ST3GAL1: variants seen among roughly 807,000 people sequenced by gnomAD.
ST3GAL1 encodes CMP-N-acetylneuraminate-beta-galactosamide-alpha-2,3-sialyltransferase 1.
A neutral mutation model predicts 34.1 loss-of-function variants in ST3GAL1; 16 were observed. The observed-to-expected ratio is 0.47, with a 90% CI of 0.32 to 0.71. The LOEUF (loss-of-function observed/expected upper bound fraction) is 0.71. ST3GAL1 is among the 30% of genes least tolerant of loss of function. ST3GAL1 has a pLI of 0.04. For missense variants in ST3GAL1, 353 were observed against 447.4 expected (o/e 0.79, Z 1.90); for synonymous variants, 191 against 184.7 (o/e 1.03, Z -0.28).
chr8:133,487,068 C>T (rs554304343), intron 3 of ST3GAL1, among the ~76,000 whole-genome samples: 5 of 152,244 alleles, frequency 3.3e-5, no homozygotes, highest in African/African-American at 1.2e-4. Flanking sequence ...CTCAGCCTCT[C>T]GAGTAGCTGG....
chr8:133,506,663 T>C (rs529162845), intron 2 of ST3GAL1, among the ~76,000 whole-genome samples: 92 of 152,102 alleles, frequency 6.0e-4, no homozygotes, highest in African/African-American at 2.2e-3. Flanking sequence ...TACGCACCTG[T>C]AATCCCAGCT....
chr8:133,490,542 G>T (rs1816754882), intron 3 of ST3GAL1, among the ~76,000 whole-genome samples: 1 of 152,236 alleles, frequency 6.6e-6, no homozygotes, highest in Admixed American at 6.5e-5. Context: ...AAGGGAGAGG[G>T]AAGGCTGTGT....
chr8:133,500,437 C>T (rs1192209121), intron 2 of ST3GAL1, among the ~76,000 whole-genome samples: 12 of 152,158 alleles, frequency 7.9e-5, no homozygotes, highest in Admixed American at 7.9e-4. Flanking sequence ...CTTTTCAGAA[C>T]AAGCAACACC....
chr8:133,524,510 G>C (rs1348617919), intron 2 of ST3GAL1, among the ~76,000 whole-genome samples: 1 of 152,226 alleles, frequency 6.6e-6, no homozygotes, highest in East Asian at 1.9e-4. Context: ...TGCCTGCTGG[G>C]CTCATGTCAC....
intron 2 of ST3GAL1, among the ~76,000 whole-genome samples, chr8:133,525,006 G>A (rs1189856913): frequency 6.6e-6 from 1 of 152,246 alleles, no homozygotes; most frequent in East Asian, 1.9e-4. Context: ...AATGGAGGGA[G>A]GAGGGTGTGT....
At chr8:133,520,963 T>G (rs1817788265) in intron 2 of ST3GAL1, among the ~76,000 whole-genome samples, 1 of 116,686 alleles carries the variant, frequency 8.6e-6, no homozygotes. Context: ...GGTTGTTTTT[T>G]TTTTTTTTTG....
At chr8:133,545,118 A>G (rs1418015440) in intron 2 of ST3GAL1, among the ~76,000 whole-genome samples, 2 of 152,238 alleles carry the variant, frequency 1.3e-5, no homozygotes, top group Non-Finnish European at 1.5e-5. Flanking sequence ...TTTTCGTATT[A>G]TTTCATTTTA....
chr8:133,461,799 C>G lies in ST3GAL1; in HGVS notation c.849+76G>C. ...GGCAGGCTAGGTCTACCTGCCCTCCCCCTCCCTGGCCTCTCTTGGGAACAC... is the reference window on the plus strand; with the variant it reads ...GGCAGGCTAGGTCTACCTGCCCTCCGCCTCCCTGGCCTCTCTTGGGAACAC... On this transcript the variant is annotated intron_variant, in intron 9 of 9. Coordinates refer to ENST00000522652, the MANE Select transcript of ST3GAL1 (RefSeq NM_173344.3). The surrounding 1 kb of genome is among the most constrained non-coding windows in gnomAD (Gnocchi z 4.7). The G allele has an allele frequency of 6.3e-7, 1 of 1,589,694 alleles. No individual in the cohort carries two copies. The highest frequency in any genetic ancestry group is 1.3e-5 in the African/African-American group (1 of 74,730).
intron 2 of ST3GAL1, among the ~76,000 whole-genome samples, chr8:133,511,862 G>A (rs1817507396): frequency 6.6e-6 from 1 of 152,100 alleles, no homozygotes; most frequent in Non-Finnish European, 1.5e-5. Context: ...GATCATTCTG[G>A]CCAACGTGGT....
rs1226530657 is a variant in ST3GAL1, at chr8:133,562,832, TCC to T, written c.-582+8859_-582+8860del. Among the ~76,000 whole-genome samples, 169 of 106,712 alleles carry T rather than the reference TCC, an allele frequency of 1.6e-3. 1 individual carries two copies. Among genetic ancestry groups the T allele is most frequent in the African/African-American group, 4.6e-3 (89 of 19,548 alleles). 70.0% of individuals were successfully genotyped at this position (106,712 alleles called of 152,430 possible). A position where few individuals can be genotyped will look rare whatever the true frequency, so the allele number is the denominator to read the frequency against. On this transcript the variant is annotated intron_variant, in intron 1 of 9. Transcript: ENST00000522652. ...TTCCTTCCTTCCTTCCTTCCTTCCT[TCC>T]TTCCTTCCTTTCTTTCTTTTTTTTT...
chr8:133,485,251 T>A (rs547572765), intron 3 of ST3GAL1, among the ~76,000 whole-genome samples: 58 of 152,312 alleles, frequency 3.8e-4, no homozygotes, highest in African/African-American at 1.3e-3. Context: ...ATCTGACCAG[T>A]GATAGCTGGG....
chr8:133,528,767 C>G (rs1188786835), intron 2 of ST3GAL1, among the ~76,000 whole-genome samples: 1 of 152,254 alleles, frequency 6.6e-6, no homozygotes, highest in Non-Finnish European at 1.5e-5. Context: ...AAAACATTTG[C>G]TGCCCCTGGA....
chr8:133,557,507 T>C (rs1340688881), intron 1 of ST3GAL1, among the ~76,000 whole-genome samples: 1 of 152,144 alleles, frequency 6.6e-6, no homozygotes, highest in African/African-American at 2.4e-5. Context: ...TGCCTGATGA[T>C]GGGTTGAGCT....
chr8:133,492,111 G>C (rs2130979754), intron 3 of ST3GAL1, among the ~76,000 whole-genome samples: 1 of 152,236 alleles, frequency 6.6e-6, no homozygotes, highest in East Asian at 1.9e-4. Flanking sequence ...CGATACGAGG[G>C]GACACTGGGC....
intron 6 of ST3GAL1, chr8:133,465,599 A>G: frequency 6.2e-6 from 2 of 324,986 alleles, no homozygotes; most frequent in South Asian, 1.3e-4. Flanking sequence ...GAGTCCTCAC[A>G]TTAATTTTGC....
intron 3 of ST3GAL1, among the ~76,000 whole-genome samples, chr8:133,483,056 C>G (rs1409235367): frequency 6.6e-6 from 1 of 152,240 alleles, no homozygotes; most frequent in South Asian, 2.1e-4. Context: ...AAAATGCTCA[C>G]GCAGGCCGGG....
intron 3 of ST3GAL1, among the ~76,000 whole-genome samples, chr8:133,493,647 C>A (rs149813673): frequency 6.6e-6 from 1 of 152,200 alleles, no homozygotes; most frequent in Non-Finnish European, 1.5e-5. Context: ...GAGTTTGAGA[C>A]CGGCCTGGCC....
intron 2 of ST3GAL1, among the ~76,000 whole-genome samples, chr8:133,503,486 C>A (rs1483492264): frequency 6.6e-6 from 1 of 152,034 alleles, no homozygotes; most frequent in African/African-American, 2.4e-5. Context: ...CGCCACCCCT[C>A]CTTGAAGGCC....
chr8:133,534,745 G>A (rs1033788019), intron 2 of ST3GAL1, among the ~76,000 whole-genome samples: 10 of 152,208 alleles, frequency 6.6e-5, no homozygotes, highest in Non-Finnish European at 8.8e-5. Flanking sequence ...CCAGTAGCAA[G>A]GCCAGCTAGC....
Sources: gnomAD v4.1 joint callset for allele counts (sites outside exome capture counted in the v4.1 genomes callset) on GRCh38, gnomAD v4.1.1 for gene constraint, Gnocchi (gnomAD v3.1) non-coding constraint, MANE v1.5 for transcripts, NCBI Gene and HGNC (gene_info 2026-07-23, HGNC 2026-07-21) for gene names.